IL1RAPL2: variants seen among roughly 807,000 people sequenced by gnomAD.
IL1RAPL2 encodes X-linked interleukin-1 receptor accessory protein-like 2.
IL1RAPL2 carries 3 observed loss-of-function variants against 44.1 expected under a neutral mutation model. That is an observed-to-expected ratio of 0.07 (90% CI 0.03 to 0.18). IL1RAPL2 has a LOEUF of 0.18. Among genes scored for constraint, IL1RAPL2 ranks in the 10% least tolerant of loss-of-function variants. The pLI, the probability that IL1RAPL2 is intolerant of heterozygous loss-of-function variation, is 1.00. For synonymous variants in IL1RAPL2, 181 were observed against 178.8 expected (o/e 1.01, Z -0.10); for missense variants, 391 against 496.4 (o/e 0.79, Z 2.02).
At chrX:105,253,470 T>C (rs1263195069) in intron 4 of IL1RAPL2, among the ~76,000 whole-genome samples, 1 of 111,776 alleles carries the variant, frequency 8.9e-6, no homozygotes, top group Non-Finnish European at 1.9e-5. Context: ...TGTCTACTTT[T>C]TCCATCAGAA....
rs748061529 is a variant in IL1RAPL2 at position 104,891,071 on chromosome X, CT to C, written c.82+232078del. Among the ~76,000 whole-genome samples the C allele has an allele frequency of 1.5e-4, 17 of 111,895 alleles. No individual in the cohort carries two copies. The South Asian group carries it at 6.4e-3, about 42-fold the overall frequency. On this transcript the variant is annotated intron_variant, in intron 2 of 10. Coordinates refer to ENST00000372582, the MANE Select transcript of IL1RAPL2 (RefSeq NM_017416.2). ...TAAATAGGGAATCCTTTCCCCATTTCTTGTTTTTGTCAGGTTTGTCAAAGAT... is the reference window on the plus strand; with the variant it reads ...TAAATAGGGAATCCTTTCCCCATTTCTGTTTTTGTCAGGTTTGTCAAAGAT...
intron 2 of IL1RAPL2, among the ~76,000 whole-genome samples, chrX:105,170,786 A>T (rs1276257831): frequency 8.9e-6 from 1 of 112,307 alleles, no homozygotes; most frequent in Non-Finnish European, 1.9e-5. Context: ...AGAGTAGTGT[A>T]AAAAGTTCAA....
At chrX:104,943,229 C>T (rs950745887) in intron 2 of IL1RAPL2, among the ~76,000 whole-genome samples, 2 of 110,967 alleles carry the variant, frequency 1.8e-5, no homozygotes, top group African/African-American at 3.3e-5. Context: ...TTTCTATCTG[C>T]AGATTCCCTT....
rs1205001185 is a variant in IL1RAPL2 at position 105,477,779 on chromosome X, C to T, written c.698-6534C>T. Reference sequence around the variant, plus strand: ...GCAGTCTGTAATACTTGTACATCTGCGCACTTTCGGACAAAGAGCCATAAG... The same window carrying T: ...GCAGTCTGTAATACTTGTACATCTGTGCACTTTCGGACAAAGAGCCATAAG... On this transcript the variant is annotated intron_variant, in intron 5 of 10. Transcript: ENST00000372582. Among the ~76,000 whole-genome samples, 10 of 111,503 alleles carry T rather than the reference C, an allele frequency of 9.0e-5. No homozygotes were observed. The East Asian group carries it at 2.3e-3, about 25-fold the overall frequency.
intron 2 of IL1RAPL2, among the ~76,000 whole-genome samples, chrX:104,689,717 A>T (rs745570387): frequency 8.9e-6 from 1 of 111,842 alleles, no homozygotes; most frequent in South Asian, 3.8e-4. Context: ...CAAAAGGAAG[A>T]TTCAACTTAA....
chrX:105,027,413 A>T (rs1177550305), intron 2 of IL1RAPL2, among the ~76,000 whole-genome samples: 1 of 111,823 alleles, frequency 8.9e-6, no homozygotes, highest in Non-Finnish European at 1.9e-5. Flanking sequence ...AAATAATTTA[A>T]AACTACCCAT....
At chrX:105,146,145 C>T (rs1326895709) in intron 2 of IL1RAPL2, among the ~76,000 whole-genome samples, 1 of 111,567 alleles carries the variant, frequency 9.0e-6, no homozygotes, top group African/African-American at 3.3e-5. Context: ...TGTTTATAAG[C>T]CACTAAAATT....
rs60881835 is a variant in IL1RAPL2 at position 104,939,050 on chromosome X, C to CTT, written c.83-256402_83-256401dup. 5.2e-3 allele frequency among the ~76,000 whole-genome samples: 423 copies of CTT among 81,323 alleles called. 2 individuals are homozygous for CTT. Among genetic ancestry groups the CTT allele is most frequent in the African/African-American group, 7.2e-3 (138 of 19,265 alleles). 70.6% of individuals were successfully genotyped at this position (81,323 alleles called of 115,157 possible). ...AGAGATAATCAACAATGCATGCTAG[C>CTT]TTTTTTTTTTTTTTTTTTTTTTTTG... On this transcript the variant is annotated intron_variant, in intron 2 of 10. Transcript: ENST00000372582.
At chrX:105,526,090 T>A (rs867616536) in intron 6 of IL1RAPL2, among the ~76,000 whole-genome samples, 1 of 112,041 alleles carries the variant, frequency 8.9e-6, no homozygotes, top group Non-Finnish European at 1.9e-5. Flanking sequence ...AACTACTGTA[T>A]CAACTCTATC....
intron 1 of IL1RAPL2, among the ~76,000 whole-genome samples, chrX:104,582,826 T>TTCTTTCTG (rs1928426408): frequency 3.2e-5 from 1 of 31,010 alleles, no homozygotes; most frequent in Non-Finnish European, 6.8e-5. Flanking sequence ...TTCTTTCTCT[T>TTCTTTCTG]TCTTTCTTTC....
At chrX:104,829,776 C>T (rs1921558410) in intron 2 of IL1RAPL2, among the ~76,000 whole-genome samples, 1 of 112,130 alleles carries the variant, frequency 8.9e-6, no homozygotes, top group Non-Finnish European at 1.9e-5. Flanking sequence ...TTAAAAGTAC[C>T]TGTTGTCACA....
intron 6 of IL1RAPL2, among the ~76,000 whole-genome samples, chrX:105,552,582 C>T (rs376019691): frequency 1.8e-5 from 2 of 112,104 alleles, no homozygotes; most frequent in East Asian, 5.6e-4. Flanking sequence ...AGGCATGACA[C>T]ATAAAAACCT....
chrX:105,216,587 GAA>G, intron 3 of IL1RAPL2, among the ~76,000 whole-genome samples: 1 of 100,730 alleles, frequency 9.9e-6, no homozygotes, highest in Non-Finnish European at 2.0e-5. Flanking sequence ...CACTGAATTA[GAA>G]AAAAAAAAAC....
intron 1 of IL1RAPL2, among the ~76,000 whole-genome samples, chrX:104,634,825 G>A (rs1010590844): frequency 3.6e-5 from 4 of 111,742 alleles, no homozygotes; most frequent in East Asian, 2.8e-4. Flanking sequence ...TTTAATTGGA[G>A]CATTCAGCCC....
At chrX:105,057,651 T>A (rs1049058129) in intron 2 of IL1RAPL2, among the ~76,000 whole-genome samples, 5 of 112,210 alleles carry the variant, frequency 4.5e-5, no homozygotes, top group Non-Finnish European at 9.4e-5. Context: ...GGGAAGGAAG[T>A]GAAGCTGTTC....
At chrX:104,674,670 T>A (rs5916816) in intron 2 of IL1RAPL2, among the ~76,000 whole-genome samples, 38,904 of 108,686 alleles carry the variant, frequency 0.36, 5,652 homozygotes, top group Non-Finnish European at 0.45. Flanking sequence ...TCAGAAGGAA[T>A]GGTACCAGTT....
At chrX:104,704,057 C>A (rs1488715472) in intron 2 of IL1RAPL2, among the ~76,000 whole-genome samples, 1 of 111,793 alleles carries the variant, frequency 8.9e-6, no homozygotes, top group African/African-American at 3.3e-5. Context: ...AGGTAGACTA[C>A]TCCTAATTTG....
At chrX:105,172,435 A>G (rs779217384) in intron 2 of IL1RAPL2, among the ~76,000 whole-genome samples, 1 of 111,989 alleles carries the variant, frequency 8.9e-6, no homozygotes, top group East Asian at 2.8e-4. Context: ...GCTCTTACAT[A>G]GGGCTTCTGG....
chrX:105,472,940 AACAG>A (rs1397713157), intron 5 of IL1RAPL2, among the ~76,000 whole-genome samples: 1 of 111,950 alleles, frequency 8.9e-6, no homozygotes, highest in Non-Finnish European at 1.9e-5. Flanking sequence ...TTTAAAGCCA[AACAG>A]ACATAGATTT....
Sources: gnomAD v4.1 joint callset for allele counts (sites outside exome capture counted in the v4.1 genomes callset) on GRCh38, gnomAD v4.1.1 for gene constraint, MANE v1.5 for transcripts, NCBI Gene and HGNC (gene_info 2026-07-23, HGNC 2026-07-21) for gene names.